Variants in ZNF140 observed in about 807,000 individuals in gnomAD.
The protein encoded by ZNF140 is zinc finger protein 140.
ZNF140 carries 13 observed loss-of-function variants against 12.9 expected under a neutral mutation model. The observed-to-expected ratio is 1.01, with a 90% CI of 0.66 to 1.60. The LOEUF (loss-of-function observed/expected upper bound fraction) is 1.60. Among genes scored for constraint, ZNF140 ranks in the 40% most tolerant of loss-of-function variants. The pLI, the probability that ZNF140 is intolerant of heterozygous loss-of-function variation, is 0.00. For synonymous variants in ZNF140, 214 were observed against 186.7 expected (o/e 1.15, Z -1.19); for missense variants, 531 against 548.8 (o/e 0.97, Z 0.32).
chr12:133,106,334 G>A lies in ZNF140; in HGVS notation c.1057G>A (p.Gly353Arg), dbSNP rs1411650243. The part of the protein sequence containing the change: ...FLIKHQRIHA[G>R]EKLYECDECG... ...TATTAAACATCAGAGAATTCATGCT[G>A]GAGAAAAGCTCTATGAATGTGATGA... The change falls in exon 5 of 5, where the codon GGA becomes AGA. Residue 353 changes from glycine to arginine, a missense_variant. Transcript: ENST00000355557. 3 of 1,614,162 alleles carry A rather than the reference G, an allele frequency of 1.9e-6. No individual in the cohort carries two copies. Among genetic ancestry groups the A allele is most frequent in the Admixed American group, 3.3e-5 (2 of 60,022 alleles).
At position 133,083,125 on chromosome 12, in the gene ZNF140, T is replaced by G; in HGVS notation, c.32T>G (p.Val11Gly). The change falls in exon 3 of 5, where the codon GTG becomes GGG. Residue 11 changes from valine to glycine, a missense_variant. Transcript: ENST00000355557. MSQGSVTFRD[V>G]AIDFSQEEWK... ...CAGGGGTCAGTGACATTCAGAGATG[T>G]GGCCATAGACTTCTCCCAGGAGGAG... 6.2e-7 allele frequency: 1 copy of G among 1,614,224 alleles called. No individual in the cohort carries two copies. The highest frequency in any genetic ancestry group is 8.5e-7 in the Non-Finnish European group (1 of 1,180,034).
intron 4 of ZNF140, among the ~76,000 whole-genome samples, chr12:133,102,777 C>T (rs957308208): frequency 1.9e-4 from 29 of 150,288 alleles, no homozygotes; most frequent in African/African-American, 6.6e-4. Context: ...AAAAAGAAAC[C>T]TTCTATCTAT....
chr12:133,106,271 A>C lies in ZNF140; in HGVS notation c.994A>C (p.Asn332His), dbSNP rs1955590757. Reference sequence around the variant, plus strand: ...TACAACCAAAACCCCGTATGAATGTAATGAATGTAGGAAAGCTTTCCGTTG... The same window carrying C: ...TACAACCAAAACCCCGTATGAATGTCATGAATGTAGGAAAGCTTTCCGTTG... The part of the protein sequence containing the change: ...IHTTKTPYEC[N>H]ECRKAFRCHS... The change falls in exon 5 of 5, where the codon AAT becomes CAT. Residue 332 changes from asparagine (N) to histidine (H), a missense_variant. Physicochemically the swap from Asn to His is moderately conservative, Grantham distance 68. Coordinates refer to ENST00000355557, the MANE Select transcript of ZNF140 (RefSeq NM_003440.4). 6.2e-7 allele frequency: 1 copy of C among 1,614,204 alleles called. No homozygotes were observed. The highest frequency in any genetic ancestry group is 1.3e-5 in the African/African-American group (1 of 75,054).
Position 133,081,268 on chromosome 12 carries a change from G to A in ZNF140, c.-48-5G>A. 6 of 1,524,712 alleles carry A rather than the reference G, an allele frequency of 3.9e-6. No individual in the cohort carries two copies. Among genetic ancestry groups the A allele is most frequent in the Non-Finnish European group, 5.4e-6 (6 of 1,121,274 alleles). 94.4% of individuals were successfully genotyped at this position (1,524,712 alleles called of 1,614,324 possible). On this transcript the variant is annotated splice_polypyrimidine_tract_variant and splice_region_variant and intron_variant, in intron 1 of 4. Coordinates refer to ENST00000355557, the MANE Select transcript of ZNF140 (RefSeq NM_003440.4). ...TCGCTCAGGGCTCCTTTCTCTCTCTGCCAGGTCTGCCATTTTACACTTTTC... is the reference window on the plus strand; with the variant it reads ...TCGCTCAGGGCTCCTTTCTCTCTCTACCAGGTCTGCCATTTTACACTTTTC...
chr12:133,096,399 T>G (rs1955129051), intron 4 of ZNF140, among the ~76,000 whole-genome samples: 1 of 152,186 alleles, frequency 6.6e-6, no homozygotes, highest in Non-Finnish European at 1.5e-5. Context: ...AGTACAGGTC[T>G]TTTTCAAAAT....
chr12:133,083,473 C>T lies in ZNF140; in HGVS notation c.144C>T (p.Ser48=), dbSNP rs1593740550. 4 of 1,611,526 alleles carry T rather than the reference C, an allele frequency of 2.5e-6. No homozygotes were observed. In the East Asian group the frequency reaches 8.9e-5, roughly 36 times the overall value. The change falls in exon 4 of 5, where the codon TCC becomes TCT. Residue 48 remains serine (S), a synonymous_variant. Coordinates refer to ENST00000355557, the MANE Select transcript of ZNF140 (RefSeq NM_003440.4). The part of the protein sequence containing the change: ...NYGHLVSLGL[S]ISKPDVVSLL... ...TTCATTTTCTGCAAGCAGGTCTTTC[C>T]ATTTCTAAGCCAGATGTGGTTTCCT...
At chr12:133,084,449 G>A (rs1205152756) in intron 4 of ZNF140, among the ~76,000 whole-genome samples, 2 of 152,110 alleles carry the variant, frequency 1.3e-5, no homozygotes, top group South Asian at 2.1e-4. Context: ...AACTATCAAG[G>A]AATTCATGGC....
At chr12:133,086,014 AT>A (rs1202032018) in intron 4 of ZNF140, among the ~76,000 whole-genome samples, 33 of 152,154 alleles carry the variant, frequency 2.2e-4, no homozygotes, top group African/African-American at 7.7e-4. Flanking sequence ...GCAAGACCCT[AT>A]TTTTTTAAAA....
At chr12:133,090,884 C>T (rs1954845407) in intron 4 of ZNF140, among the ~76,000 whole-genome samples, 1 of 137,422 alleles carries the variant, frequency 7.3e-6, no homozygotes, top group Non-Finnish European at 1.6e-5. Context: ...TTTCTCTCCA[C>T]CCAAACATCT....
chr12:133,082,967 C>A, intron 2 of ZNF140, 136 bp from the exon 3 acceptor site: 1 of 1,320,304 alleles, frequency 7.6e-7, no homozygotes, highest in Non-Finnish European at 1.0e-6. Context: ...TATATAATTA[C>A]TCAGAATTCT....
upstream of ZNF140, chr12:133,080,438 C>G (rs1954426461): frequency 6.6e-6 from 1 of 152,306 alleles, no homozygotes; most frequent in South Asian, 2.1e-4. Flanking sequence ...TGCTCTCTCG[C>G]GCGGGGTCGC....
intron 4 of ZNF140, among the ~76,000 whole-genome samples, chr12:133,099,046 T>G (rs1364886204): frequency 6.6e-6 from 1 of 152,152 alleles, no homozygotes; most frequent in Non-Finnish European, 1.5e-5. Context: ...CAGCTAATTT[T>G]TGTATATTTA....
chr12:133,100,298 G>A (rs2137563816), intron 4 of ZNF140, among the ~76,000 whole-genome samples: 1 of 150,064 alleles, frequency 6.7e-6, no homozygotes, highest in South Asian at 2.1e-4. Context: ...CTCCTGAGTA[G>A]CTGGGACCAC....
intron 4 of ZNF140, among the ~76,000 whole-genome samples, chr12:133,093,693 C>T (rs1954973912): frequency 6.6e-6 from 1 of 151,084 alleles, no homozygotes; most frequent in South Asian, 2.1e-4. Flanking sequence ...GGTCTGATTT[C>T]TATATATGTT....
At chr12:133,092,069 C>T (rs1954911204) in intron 4 of ZNF140, among the ~76,000 whole-genome samples, 1 of 151,144 alleles carries the variant, frequency 6.6e-6, no homozygotes, top group African/African-American at 2.5e-5. Flanking sequence ...ATTCCACAGT[C>T]TTGAGGAATT....
intron 4 of ZNF140, among the ~76,000 whole-genome samples, chr12:133,091,099 G>A (rs941058158): frequency 6.7e-6 from 1 of 149,346 alleles, no homozygotes; most frequent in African/African-American, 2.5e-5. Flanking sequence ...ATCCATCTCA[G>A]CACAGACCTT....
intron 2 of ZNF140, 97 bp from the exon 3 acceptor site, chr12:133,083,006 C>A: frequency 6.4e-7 from 1 of 1,567,572 alleles, no homozygotes; most frequent in Admixed American, 1.7e-5. Context: ...TACTTAGACA[C>A]ATTGCCTAAC....
At chr12:133,100,160 GTTTTTTTTTTTTTTTT>G (rs58610589) in intron 4 of ZNF140, among the ~76,000 whole-genome samples, 3 of 60,976 alleles carry the variant, frequency 4.9e-5, no homozygotes, top group Non-Finnish European at 8.7e-5. Flanking sequence ...TGCCTTTTCC[GTTTTTTTTTTTTTTTT>G]TTTTTTTTTT....
chr12:133,098,848 G>A (rs1955230227), intron 4 of ZNF140, among the ~76,000 whole-genome samples: 1 of 151,188 alleles, frequency 6.6e-6, no homozygotes, highest in African/African-American at 2.4e-5. Context: ...GACTATAGGT[G>A]TGTGCCACCA....
Sources: allele counts gnomAD v4.1 joint callset (sites outside exome capture counted in the v4.1 genomes callset), GRCh38; gene constraint gnomAD v4.1.1; transcripts MANE v1.5; gene names NCBI Gene and HGNC (gene_info 2026-07-23, HGNC 2026-07-21).